CAMK2B: variants seen among roughly 807,000 people sequenced by gnomAD.
CAMK2B encodes the protein calcium/calmodulin dependent protein kinase II beta.
CAMK2B carries 27 observed loss-of-function variants against 93.7 expected under a neutral mutation model. The observed-to-expected ratio is 0.29, with a 90% CI of 0.21 to 0.40. CAMK2B has a LOEUF of 0.40. Ranked by LOEUF, CAMK2B falls within the 10% of genes least tolerant of loss-of-function variation. CAMK2B has a pLI of 1.00. For synonymous variants in CAMK2B, 374 were observed against 358.8 expected, an observed-to-expected ratio of 1.04 and a Z score of -0.48; for missense variants, 568 against 895.8, an observed-to-expected ratio of 0.63 and a Z score of 4.67.
chr7:44,220,855 G>T lies in CAMK2B; in HGVS notation c.1644C>A (p.Ala548=). 3 of 1,572,250 alleles carry T rather than the reference G, an allele frequency of 1.9e-6. No individual in the cohort carries two copies. Among genetic ancestry groups the T allele is most frequent in the Non-Finnish European group, 2.6e-6 (3 of 1,157,928 alleles). ...IIKTTEQLIE[A]VNNGDFEAYA... is the part of the protein sequence containing the mutation. ...AGGCCTCAAAGTCACCGTTGTTGACGGCCTCGATGAGCTGCTCCGTGGTCT... is the reference window on the plus strand; with the variant it reads ...AGGCCTCAAAGTCACCGTTGTTGACTGCCTCGATGAGCTGCTCCGTGGTCT... The change falls in exon 21 of 24, where the codon GCC becomes GCA. Residue 548 remains alanine (A), a synonymous_variant. Transcript: ENST00000395749.
At chr7:44,267,439 C>T (rs1027123583) in intron 2 of CAMK2B, among the ~76,000 whole-genome samples, 15 of 152,140 alleles carry the variant, frequency 9.9e-5, no homozygotes, top group Admixed American at 4.6e-4. Context: ...TTCTCACACC[C>T]GCTCTGATGT....
In CAMK2B at chr7:44,222,968, C is replaced by T. The variant is rs577791375; in HGVS notation, c.1598-2067G>A. The stretch of plus-strand genomic sequence containing the variant: ...CCTCATGTCCCCTGCTGCACAGTGA[C>T]AGCAGGAGGAGCCCGATGGCACCTG... On this transcript the variant is annotated intron_variant, in intron 20 of 23. Transcript: ENST00000395749. Among the ~76,000 whole-genome samples, 3 of 152,324 alleles carry T rather than the reference C, an allele frequency of 2.0e-5. No homozygotes were observed. In the East Asian group the frequency reaches 5.8e-4, roughly 29 times the overall value.
At chr7:44,284,018 G>T in intron 2 of CAMK2B, 113 bp downstream of exon 2, 1 of 725,798 alleles carries the variant, frequency 1.4e-6, no homozygotes. Flanking sequence ...GGCAGGGTGG[G>T]CCAAGTGCTG....
At chr7:44,264,451 C>T (rs1219196358) in intron 2 of CAMK2B, among the ~76,000 whole-genome samples, 2 of 152,172 alleles carry the variant, frequency 1.3e-5, no homozygotes, top group African/African-American at 2.4e-5. Context: ...GGAGCGGCAT[C>T]CCCTGGCTCC....
At chr7:44,257,454 C>T (rs779475920) in intron 4 of CAMK2B, among the ~76,000 whole-genome samples, 3 of 152,240 alleles carry the variant, frequency 2.0e-5, no homozygotes, top group Admixed American at 1.3e-4. Flanking sequence ...ACCCTTTCTC[C>T]TCCTCGGCTC....
intron 13 of CAMK2B, among the ~76,000 whole-genome samples, chr7:44,237,110 C>T (rs556661947): frequency 1.1e-4 from 17 of 152,362 alleles, no homozygotes; most frequent in Non-Finnish European, 1.6e-4. Context: ...GCATTGGAAC[C>T]GGGGCCAGCA....
At chr7:44,263,971 C>G (rs1348417670) in intron 2 of CAMK2B, 1 of 154,778 alleles carries the variant, frequency 6.5e-6, no homozygotes, top group Non-Finnish European at 1.5e-5. Flanking sequence ...AAGGTCGAAA[C>G]TAGGCAGTCG....
At chr7:44,262,978 C>T (rs187737020) in intron 3 of CAMK2B, 27 bp downstream of exon 3, 2 of 1,604,148 alleles carry the variant, frequency 1.2e-6, no homozygotes, top group Admixed American at 1.7e-5. Flanking sequence ...GGGGACCCAT[C>T]CCCGCTCCCT....
chr7:44,228,357 G>A (rs1188838290), intron 19 of CAMK2B, among the ~76,000 whole-genome samples: 1 of 152,100 alleles, frequency 6.6e-6, no homozygotes, highest in East Asian at 1.9e-4. Context: ...TCAGGGGTTG[G>A]GGCCACATCA....
intron 13 of CAMK2B, among the ~76,000 whole-genome samples, chr7:44,238,565 G>T (rs998676234): frequency 6.6e-6 from 1 of 152,156 alleles, no homozygotes; most frequent in Admixed American, 6.5e-5. Context: ...TGCCCTCCCC[G>T]AGGACGCCCT....
intron 5 of CAMK2B, among the ~76,000 whole-genome samples, chr7:44,251,177 G>C (rs1481232264): frequency 2.6e-5 from 4 of 152,124 alleles, no homozygotes; most frequent in Non-Finnish European, 5.9e-5. Flanking sequence ...GTCTGGCCAG[G>C]AGGCCTCGGC....
chr7:44,243,586 G>T, intron 6 of CAMK2B, 59 bp from the exon 7 acceptor site: 1 of 1,362,908 alleles, frequency 7.3e-7, no homozygotes, highest in African/African-American at 1.4e-5. Flanking sequence ...GTGTTATGTG[G>T]GGTTGGGTGG....
At position 44,285,040 on chromosome 7, in the gene CAMK2B, C is replaced by A. The variant is rs1363352968; in HGVS notation, c.66-815G>T. 5.3e-5 allele frequency among the ~76,000 whole-genome samples: 8 copies of A among 152,264 alleles called. No individual in the cohort carries two copies. In the East Asian group the frequency reaches 1.5e-3, roughly 29 times the overall value. ...GCTGCTGAGGCCATCGAGAAGAGGC[C>A]ATGAACGTACCCCACAAAGCCTGGC... is the stretch of plus-strand genomic sequence containing the variant. On this transcript the variant is annotated intron_variant, in intron 1 of 23. Coordinates refer to ENST00000395749, the MANE Select transcript of CAMK2B (RefSeq NM_001220.5).
At chr7:44,308,286 C>T (rs545786882) in intron 1 of CAMK2B, among the ~76,000 whole-genome samples, 58 of 152,336 alleles carry the variant, frequency 3.8e-4, no homozygotes, top group Non-Finnish European at 7.8e-4. Flanking sequence ...CAGGGACAAG[C>T]TGAGCTGTGG....
intron 19 of CAMK2B, among the ~76,000 whole-genome samples, chr7:44,227,772 A>AGGGGTATATGGGGGACAGAGGAGG (rs1562805971): frequency 1.2e-4 from 1 of 8,600 alleles, no homozygotes; most frequent in Non-Finnish European, 1.7e-4. Context: ...ACAGAGGGAG[A>AGGGGTATATGGGGGACAGAGGAGG]GTCTGGGGGA....
intron 2 of CAMK2B, among the ~76,000 whole-genome samples, chr7:44,276,433 C>T (rs11766580): frequency 6.6e-6 from 1 of 152,162 alleles, no homozygotes; most frequent in Non-Finnish European, 1.5e-5. Context: ...AGCACCCCCC[C>T]GCCACCCACT....
At chr7:44,273,934 G>A (rs1015303970) in intron 2 of CAMK2B, among the ~76,000 whole-genome samples, 2 of 135,528 alleles carry the variant, frequency 1.5e-5, no homozygotes, top group African/African-American at 5.0e-5. Context: ...GGCAAGCACT[G>A]CCACATTTTT....
chr7:44,320,628 G>T (rs1795842972), intron 1 of CAMK2B, among the ~76,000 whole-genome samples: 1 of 152,232 alleles, frequency 6.6e-6, no homozygotes, highest in African/African-American at 2.4e-5. Context: ...TTAGCTCTCA[G>T]CAAAGTAGGT....
chr7:44,306,826 A>C (rs1246226667), intron 1 of CAMK2B, among the ~76,000 whole-genome samples: 1 of 122,420 alleles, frequency 8.2e-6, no homozygotes, highest in Admixed American at 8.3e-5. Flanking sequence ...GGGGTAGGAG[A>C]GTGTGAGTAG....
Sources: allele counts gnomAD v4.1 joint callset (sites outside exome capture counted in the v4.1 genomes callset), GRCh38; gene constraint gnomAD v4.1.1; transcripts MANE v1.5; gene names NCBI Gene and HGNC (gene_info 2026-07-23, HGNC 2026-07-21).